Variants in KSR1 observed in about 807,000 individuals in gnomAD.
The protein encoded by KSR1 is kinase suppressor of ras 1.
KSR1 carries 35 observed loss-of-function variants against 92.9 expected under a neutral mutation model. That is an observed-to-expected ratio of 0.38 (90% CI 0.29 to 0.50). KSR1 has a LOEUF of 0.50. Among genes scored for constraint, KSR1 ranks in the 20% least tolerant of loss-of-function variants. The pLI is 0.94. For synonymous variants in KSR1, 467 were observed against 472.6 expected, an observed-to-expected ratio of 0.99 and a Z score of 0.15; for missense variants, 972 against 1,158.5, an observed-to-expected ratio of 0.84 and a Z score of 2.34.
Position 27,559,289 on chromosome 17 carries a change from G to T in KSR1, c.372+8581G>T, listed in dbSNP as rs886181918. Among the ~76,000 whole-genome samples, 1 of 152,200 alleles carries T rather than the reference G, an allele frequency of 6.6e-6. No homozygotes were observed. Among genetic ancestry groups the T allele is most frequent in the East Asian group, 1.9e-4 (1 of 5,196 alleles). Reference sequence around the variant, plus strand: ...TCTGCGGCTCCGAGCCTGCTGCGGCGCTGCATGCCTGACCTTTGGTTCCTC... The same window carrying T: ...TCTGCGGCTCCGAGCCTGCTGCGGCTCTGCATGCCTGACCTTTGGTTCCTC... On this transcript the variant is annotated intron_variant, in intron 2 of 20. Transcript: ENST00000644974. This position sits in a 1 kb window ranked among gnomAD's most constrained non-coding sequence, Gnocchi z 4.2.
At chr17:27,602,862 C>A (rs1053348397) in intron 11 of KSR1, among the ~76,000 whole-genome samples, 2 of 152,264 alleles carry the variant, frequency 1.3e-5, no homozygotes, top group Non-Finnish European at 2.9e-5. Flanking sequence ...ATCAGATTCT[C>A]CAAGTCTGTG....
intron 18 of KSR1, among the ~76,000 whole-genome samples, chr17:27,613,528 G>C (rs2073978191): frequency 6.6e-6 from 1 of 152,218 alleles, no homozygotes; most frequent in Admixed American, 6.5e-5. Flanking sequence ...GCGAATTCCT[G>C]GTGGCTCCAC....
At chr17:27,467,845 C>T (rs1021257123) in intron 1 of KSR1, among the ~76,000 whole-genome samples, 2 of 147,826 alleles carry the variant, frequency 1.4e-5, no homozygotes, top group African/African-American at 4.9e-5. Flanking sequence ...GAGTCTCGCT[C>T]TGTCCCCCAG....
chr17:27,494,994 G>C (rs2068938563), intron 1 of KSR1, among the ~76,000 whole-genome samples: 1 of 152,218 alleles, frequency 6.6e-6, no homozygotes, highest in South Asian at 2.1e-4. Context: ...GGGGCTCCCG[G>C]GCAGTGCGGG....
intron 6 of KSR1, 108 bp from the exon 7 acceptor site, chr17:27,590,699 CTGGG>C: frequency 1.0e-6 from 1 of 959,036 alleles, no homozygotes; most frequent in Non-Finnish European, 1.6e-6. Context: ...CCAAGGGGCT[CTGGG>C]ATGGAGCCAA....
At chr17:27,598,713 A>T (rs554181346) in intron 10 of KSR1, among the ~76,000 whole-genome samples, 7 of 152,310 alleles carry the variant, frequency 4.6e-5, no homozygotes, top group South Asian at 4.1e-4. Context: ...CAGTCACAGA[A>T]AAAGTTCTTT....
intron 17 of KSR1, among the ~76,000 whole-genome samples, chr17:27,611,088 C>T (rs1418922828): frequency 2.0e-5 from 3 of 152,214 alleles, no homozygotes; most frequent in Non-Finnish European, 4.4e-5. Context: ...TTAACTGTAT[C>T]CTTTCCTGAG....
chr17:27,563,549 GC>G (rs1434724307), intron 2 of KSR1, among the ~76,000 whole-genome samples: 2 of 152,140 alleles, frequency 1.3e-5, no homozygotes, highest in Non-Finnish European at 2.9e-5. Flanking sequence ...GAGCCACCGA[GC>G]CTGGCTAGAT....
At chr17:27,491,790 T>C (rs2068840177) in intron 1 of KSR1, among the ~76,000 whole-genome samples, 1 of 152,152 alleles carries the variant, frequency 6.6e-6, no homozygotes, top group Non-Finnish European at 1.5e-5. Flanking sequence ...GCCGGCTGTT[T>C]AGTGTGTGCA....
chr17:27,553,580 C>T (rs1303211519), intron 2 of KSR1, among the ~76,000 whole-genome samples: 1 of 152,178 alleles, frequency 6.6e-6, no homozygotes, highest in Non-Finnish European at 1.5e-5. Context: ...GCTGCAGGAG[C>T]CTGCTGGAGG....
intron 1 of KSR1, among the ~76,000 whole-genome samples, chr17:27,516,193 C>G (rs560464813): frequency 6.6e-6 from 1 of 152,176 alleles, no homozygotes; most frequent in Non-Finnish European, 1.5e-5. Flanking sequence ...TGTCTGTTTT[C>G]TCATCTGTGA....
At chr17:27,567,936 AG>A (rs1232505035) in intron 2 of KSR1, among the ~76,000 whole-genome samples, 1 of 152,152 alleles carries the variant, frequency 6.6e-6, no homozygotes, top group Non-Finnish European at 1.5e-5. Flanking sequence ...ATCTCGGCAG[AG>A]AAGGGGTTTC....
chr17:27,619,142 G>A lies in KSR1; in HGVS notation c.2627+1714G>A, dbSNP rs1041814447. Among the ~76,000 whole-genome samples, 5 of 152,182 alleles carry A rather than the reference G, an allele frequency of 3.3e-5. No individual in the cohort carries two copies. The East Asian group carries it at 7.7e-4, about 24-fold the overall frequency. ...ACCCGCTGCCAAGAAAGCCCCTGAG[G>A]CCCCCGTCCCTGTGTATGTGTGTCA... On this transcript the variant is annotated intron_variant, in intron 19 of 20. Coordinates refer to ENST00000644974, the MANE Select transcript of KSR1 (RefSeq NM_001394583.1).
chr17:27,484,785 G>A (rs2068615737), intron 1 of KSR1, among the ~76,000 whole-genome samples: 1 of 152,216 alleles, frequency 6.6e-6, no homozygotes, highest in Non-Finnish European at 1.5e-5. Flanking sequence ...GAACCTTCTT[G>A]ATCAGAAGAG....
intron 1 of KSR1, among the ~76,000 whole-genome samples, chr17:27,500,080 C>G (rs1057482027): frequency 1.3e-5 from 2 of 152,198 alleles, no homozygotes; most frequent in Admixed American, 6.5e-5. Flanking sequence ...ATGGCATCAC[C>G]TTGGATAAAG....
At chr17:27,568,838 G>T (rs1224351103) in intron 2 of KSR1, among the ~76,000 whole-genome samples, 2 of 152,174 alleles carry the variant, frequency 1.3e-5, no homozygotes, top group African/African-American at 4.8e-5. Flanking sequence ...CTCCTCTGTA[G>T]CCCCATCCTC....
At chr17:27,539,105 G>A (rs753505291) in intron 1 of KSR1, among the ~76,000 whole-genome samples, 2 of 152,200 alleles carry the variant, frequency 1.3e-5, no homozygotes, top group African/African-American at 2.4e-5. Context: ...GCCATTAGGT[G>A]CAGCCTCTGC....
Position 27,601,327 on chromosome 17 carries a change from G to C in KSR1, c.1469-33G>C, listed in dbSNP as rs546662067. 4.0e-5 allele frequency: 64 copies of C among 1,599,668 alleles called. No homozygotes were observed. In the African/African-American group the frequency reaches 6.8e-4, roughly 17 times the overall value. On this transcript the variant is annotated intron_variant, in intron 10 of 20. Transcript: ENST00000644974. Reference sequence around the variant, plus strand: ...TCCTCCCTCCTGCGTTGGCCGTTCTGTGTGTGTGACTCACCTCCTCTTCTG... The same window carrying C: ...TCCTCCCTCCTGCGTTGGCCGTTCTCTGTGTGTGACTCACCTCCTCTTCTG...
At chr17:27,613,717 A>G (rs890267029) in intron 18 of KSR1, among the ~76,000 whole-genome samples, 8 of 152,196 alleles carry the variant, frequency 5.3e-5, no homozygotes, top group African/African-American at 1.7e-4. Flanking sequence ...CTCAAGATAC[A>G]GGTTTTGGGC....
Sources: gnomAD v4.1 joint callset for allele counts (sites outside exome capture counted in the v4.1 genomes callset) on GRCh38, gnomAD v4.1.1 for gene constraint, Gnocchi (gnomAD v3.1) non-coding constraint, MANE v1.5 for transcripts, NCBI Gene and HGNC (gene_info 2026-07-23, HGNC 2026-07-21) for gene names.